The following CRTAC1 variants were observed in gnomAD, a reference collection of about 807,000 sequenced individuals.
The protein encoded by CRTAC1 is acidic secreted protein in cartilage.
In CRTAC1, 37 loss-of-function variants were observed where a neutral mutation model predicts 67.8. The observed-to-expected ratio is 0.55, with a 90% CI of 0.42 to 0.72. CRTAC1 has a LOEUF of 0.72. CRTAC1 is among the 30% of genes least tolerant of loss of function. The pLI is 0.00. For synonymous variants in CRTAC1, 348 were observed against 371.0 expected (o/e 0.94, Z 0.71); for missense variants, 780 against 931.6 (o/e 0.84, Z 2.12).
chr10:98,026,905 C>T (rs1336171384), intron 1 of CRTAC1, among the ~76,000 whole-genome samples: 2 of 152,108 alleles, frequency 1.3e-5, no homozygotes, highest in Non-Finnish European at 2.9e-5. Context: ...GGGGGCCGGG[C>T]GCGGTGGCTC....
intron 2 of CRTAC1, among the ~76,000 whole-genome samples, chr10:97,956,100 G>A (rs1361666680): frequency 6.6e-6 from 1 of 152,150 alleles, no homozygotes; most frequent in African/African-American, 2.4e-5. Context: ...CTTCCAGATT[G>A]GATGAAACAT....
chr10:98,010,490 C>G (rs981638354), intron 2 of CRTAC1, among the ~76,000 whole-genome samples: 6 of 152,160 alleles, frequency 3.9e-5, no homozygotes, highest in Non-Finnish European at 7.4e-5. Flanking sequence ...GTAAGAGACT[C>G]AAGGACATAA....
intron 2 of CRTAC1, among the ~76,000 whole-genome samples, chr10:97,996,321 C>T (rs1273866236): frequency 2.1e-4 from 31 of 148,878 alleles, no homozygotes; most frequent in East Asian, 3.9e-4. Context: ...AGAAAATTTT[C>T]GCAACCTACT....
chr10:97,978,058 G>A (rs1298399037), intron 2 of CRTAC1, among the ~76,000 whole-genome samples: 4 of 152,136 alleles, frequency 2.6e-5, no homozygotes, highest in African/African-American at 9.7e-5. Flanking sequence ...CAGTCCACCT[G>A]ATCAAATCAC....
At chr10:97,989,389 A>G (rs1056196073) in intron 2 of CRTAC1, among the ~76,000 whole-genome samples, 3 of 152,310 alleles carry the variant, frequency 2.0e-5, no homozygotes, top group African/African-American at 7.2e-5. Flanking sequence ...ACACAAACCT[A>G]GTCTTACTTA....
At chr10:97,940,888 C>T (rs1483123853) in intron 2 of CRTAC1, among the ~76,000 whole-genome samples, 3 of 152,218 alleles carry the variant, frequency 2.0e-5, no homozygotes, top group Admixed American at 2.0e-4. Flanking sequence ...GGGGCACAAT[C>T]TCTCACTCTC....
At chr10:97,900,875 C>T (rs1161574604) in intron 8 of CRTAC1, among the ~76,000 whole-genome samples, 1 of 118,944 alleles carries the variant, frequency 8.4e-6, no homozygotes. Flanking sequence ...GCCCCTTTTC[C>T]TGGTAGTGAT....
intron 7 of CRTAC1, among the ~76,000 whole-genome samples, chr10:97,903,948 C>G (rs138124329): frequency 6.6e-6 from 1 of 152,204 alleles, no homozygotes; most frequent in African/African-American, 2.4e-5. Context: ...CTTCCATTCT[C>G]TCCACCACTT....
intron 2 of CRTAC1, among the ~76,000 whole-genome samples, chr10:97,970,218 C>T (rs1261782090): frequency 3.3e-5 from 5 of 152,196 alleles, no homozygotes; most frequent in South Asian, 4.1e-4. Flanking sequence ...TTATTTCTCA[C>T]ACTCTGCTAA....
chr10:97,934,673 G>A (rs1010429470), intron 3 of CRTAC1, among the ~76,000 whole-genome samples: 2 of 152,112 alleles, frequency 1.3e-5, no homozygotes, highest in Non-Finnish European at 2.9e-5. Flanking sequence ...CTCATAGCCA[G>A]GCAGTCACCG....
At chr10:98,009,285 C>T (rs1389355642) in intron 2 of CRTAC1, among the ~76,000 whole-genome samples, 21 of 152,286 alleles carry the variant, frequency 1.4e-4, no homozygotes, top group Admixed American at 7.2e-4. Context: ...TCAGTAGCTA[C>T]GTGTGGCTGG....
chr10:97,985,255 C>T (rs1039154334), intron 2 of CRTAC1, among the ~76,000 whole-genome samples: 1 of 152,198 alleles, frequency 6.6e-6, no homozygotes, highest in Non-Finnish European at 1.5e-5. Flanking sequence ...TCCTACTACT[C>T]TATAATATTA....
chr10:98,025,904 G>A (rs1477701729), intron 1 of CRTAC1, among the ~76,000 whole-genome samples: 1 of 152,204 alleles, frequency 6.6e-6, no homozygotes, highest in Non-Finnish European at 1.5e-5. Context: ...CCCAAGCATG[G>A]CAGAACCCCA....
chr10:98,005,103 T>A (rs866421619), intron 2 of CRTAC1, among the ~76,000 whole-genome samples: 3,379 of 114,098 alleles, frequency 0.03, 32 homozygotes, highest in Non-Finnish European at 0.037. Context: ...TATATATATT[T>A]TTTTTTTTTT....
At chr10:98,014,374 G>C (rs1365175990) in intron 1 of CRTAC1, among the ~76,000 whole-genome samples, 1 of 152,112 alleles carries the variant, frequency 6.6e-6, no homozygotes, top group African/African-American at 2.4e-5. Context: ...GAATCATCTG[G>C]GGAGCTTTAA....
intron 3 of CRTAC1, among the ~76,000 whole-genome samples, chr10:97,926,120 G>A (rs1226375644): frequency 2.6e-5 from 4 of 152,198 alleles, no homozygotes. Flanking sequence ...GCAGACCCAG[G>A]AGGCCTGCAG....
Position 97,865,071 on chromosome 10 carries a change from C to T in CRTAC1, c.*477G>A, listed in dbSNP as rs79132084. 0.057 allele frequency: 8,828 copies of T among 153,632 alleles called. 314 individuals are homozygous for T. Among genetic ancestry groups the T allele is most frequent in the African/African-American group, 0.1 (4,248 of 41,598 alleles). 9.5% of individuals were successfully genotyped at this position (153,632 alleles called of 1,614,324 possible). On this transcript the variant is annotated 3_prime_UTR_variant, in exon 15 of 15. Transcript: ENST00000370597. The stretch of plus-strand genomic sequence containing the variant: ...CTTTACTATGTGCCAGGTTTTGTGC[C>T]AAGTGTCTTACATACATTTAATCTA...
At chr10:97,936,772 G>A (rs536664036) in intron 2 of CRTAC1, among the ~76,000 whole-genome samples, 2 of 152,202 alleles carry the variant, frequency 1.3e-5, no homozygotes, top group Non-Finnish European at 2.9e-5. Context: ...AATCAAGAGA[G>A]GTAGGCATGT....
chr10:97,867,532 G>A (rs996427383), intron 14 of CRTAC1: 2 of 152,262 alleles, frequency 1.3e-5, no homozygotes, highest in Admixed American at 6.5e-5. Context: ...GGAAGTCCTC[G>A]GCCCAAGTGA....
Sources: allele counts gnomAD v4.1 joint callset (sites outside exome capture counted in the v4.1 genomes callset), GRCh38; gene constraint gnomAD v4.1.1; transcripts MANE v1.5; gene names NCBI Gene and HGNC (gene_info 2026-07-23, HGNC 2026-07-21).